The following TMEM272 variants were observed in gnomAD, a reference collection of about 807,000 sequenced individuals.
TMEM272 encodes long intergenic non-protein coding RNA 282.
A neutral mutation model predicts 3.7 loss-of-function variants in TMEM272; 8 were observed. The ratio of observed to expected loss-of-function variants is 2.17; its 90% CI spans 1.27 to 3.91. The LOEUF (loss-of-function observed/expected upper bound fraction) is 3.91. TMEM272 is among the 30% of genes most tolerant of loss of function. The probability of loss-of-function intolerance (pLI) is 0.00; values close to 1 mark genes in which losing one functional copy is unlikely to be tolerated. For missense variants in TMEM272, 166 were observed against 91.5 expected (o/e 1.81, Z -3.32); for synonymous variants, 63 against 39.8 (o/e 1.58, Z -2.20).
the TMEM272 span, among the ~76,000 whole-genome samples, chr13:51,861,320 G>C: frequency 1.3e-5 from 2 of 152,104 alleles, no homozygotes; most frequent in East Asian, 3.9e-4. Flanking sequence ...CTGTATTAAA[G>C]ATTTTTGCTA....
intron 2 of TMEM272, among the ~76,000 whole-genome samples, chr13:51,837,678 A>C (rs1467107012): frequency 1.3e-5 from 2 of 152,200 alleles, no homozygotes; most frequent in East Asian, 1.9e-4. Context: ...AGGTGCTGGC[A>C]TGCAGCAGTG....
chr13:51,826,579 G>A lies in TMEM272; in HGVS notation c.105C>T (p.Ser35=). The A allele has an allele frequency of 1.4e-6, 1 of 702,608 alleles. No individual in the cohort carries two copies. Among genetic ancestry groups the A allele is most frequent in the Admixed American group, 2.0e-5 (1 of 50,018 alleles). 43.5% of individuals were successfully genotyped at this position (702,608 alleles called of 1,614,324 possible). ...VLCAFLALPL[S]MTFIGMKFLE... is the part of the protein sequence containing the mutation. ...AAGGCAGCTTACCTATGAAGGTCAT[G>A]GACAGCGGCAGAGCCAGGAAAGCAC... The change falls in exon 3 of 5, where the codon TCC becomes TCT. Residue 35 remains serine, a synonymous_variant. Coordinates refer to ENST00000629372, the MANE Select transcript of TMEM272 (RefSeq NM_001351003.2).
Position 51,816,225 on chromosome 13 carries a change from C to A in TMEM272, c.*526G>T. 6.4e-6 allele frequency: 1 copy of A among 155,120 alleles called. No homozygotes were observed. Among genetic ancestry groups the A allele is most frequent in the Non-Finnish European group, 1.4e-5 (1 of 69,786 alleles). 9.6% of individuals were successfully genotyped at this position (155,120 alleles called of 1,614,324 possible). A position where few individuals can be genotyped will look rare whatever the true frequency, so the allele number is the denominator to read the frequency against. On this transcript the variant is annotated 3_prime_UTR_variant, in exon 5 of 5. Transcript: ENST00000629372. The stretch of plus-strand genomic sequence containing the variant: ...TGGAAGAGACTGCTCCTTCACTTTC[C>A]CAAAAGGCAGCTAGAGTCACTAAAA...
intron 3 of TMEM272, among the ~76,000 whole-genome samples, chr13:51,822,398 T>C (rs1457529619): frequency 6.6e-6 from 1 of 152,196 alleles, no homozygotes; most frequent in Non-Finnish European, 1.5e-5. Context: ...ACCTTTTTTC[T>C]GGGTATTAAC....
At chr13:51,822,586 T>C (rs767633413) in intron 3 of TMEM272, among the ~76,000 whole-genome samples, 3 of 152,150 alleles carry the variant, frequency 2.0e-5, no homozygotes, top group Non-Finnish European at 2.9e-5. Flanking sequence ...GGTTCTCATC[T>C]ACTCTGCTTC....
chr13:51,851,774 C>T, the TMEM272 span, among the ~76,000 whole-genome samples: 79 of 152,202 alleles, frequency 5.2e-4, 2 homozygotes, highest in Non-Finnish European at 4.4e-5. Context: ...CTGCCTGCCT[C>T]AGCATCCCAA....
the TMEM272 span, among the ~76,000 whole-genome samples, chr13:51,896,587 G>T: frequency 6.6e-6 from 1 of 152,134 alleles, no homozygotes; most frequent in Non-Finnish European, 1.5e-5. Context: ...CGGATGCCCT[G>T]AGAGGGGGAT....
At chr13:51,920,409 G>C in the TMEM272 span, among the ~76,000 whole-genome samples, 1 of 152,160 alleles carries the variant, frequency 6.6e-6, no homozygotes, top group South Asian at 2.1e-4. Context: ...GTAGGGCATG[G>C]CCTCTTCACT....
rs148514468 is a variant in TMEM272, at chr13:51,818,020, T to C, written c.202-907A>G. Among the ~76,000 whole-genome samples, 11 of 152,286 alleles carry C rather than the reference T, an allele frequency of 7.2e-5. No individual in the cohort carries two copies. The East Asian group carries it at 1.3e-3, about 19-fold the overall frequency. On this transcript the variant is annotated intron_variant, in intron 4 of 4. Coordinates refer to ENST00000629372, the MANE Select transcript of TMEM272 (RefSeq NM_001351003.2). ...GGAATGCCTTAACAGCTCCCCGTCT[T>C]CTCTACCTAGCAACTTGATCTGTGA... is the stretch of plus-strand genomic sequence containing the variant.
At chr13:51,886,812 C>A in the TMEM272 span, among the ~76,000 whole-genome samples, 34 of 152,262 alleles carry the variant, frequency 2.2e-4, no homozygotes, top group Admixed American at 5.9e-4. Context: ...GGTCCCTGTG[C>A]TAAACAATGC....
the TMEM272 span, among the ~76,000 whole-genome samples, chr13:51,904,373 C>A: frequency 5.3e-5 from 8 of 152,044 alleles, no homozygotes; most frequent in Non-Finnish European, 8.8e-5. Flanking sequence ...ATATGCAATT[C>A]TTATGATGAC....
the TMEM272 span, among the ~76,000 whole-genome samples, chr13:51,873,132 G>T: frequency 6.6e-6 from 1 of 152,246 alleles, no homozygotes; most frequent in Non-Finnish European, 1.5e-5. Flanking sequence ...AACTCCTAAA[G>T]TAACTGAAGG....
chr13:51,862,542 C>T, the TMEM272 span, among the ~76,000 whole-genome samples: 1 of 152,130 alleles, frequency 6.6e-6, no homozygotes, highest in Non-Finnish European at 1.5e-5. Flanking sequence ...CCCATTCATC[C>T]AGCTACTATT....
chr13:51,898,622 A>G, the TMEM272 span, among the ~76,000 whole-genome samples: 1 of 149,792 alleles, frequency 6.7e-6, no homozygotes, highest in East Asian at 1.9e-4. Context: ...CATACTAGAT[A>G]ATAAATGTTA....
intron 4 of TMEM272, among the ~76,000 whole-genome samples, chr13:51,817,659 CTCT>C (rs753408755): frequency 1.4e-5 from 2 of 146,970 alleles, no homozygotes; most frequent in Non-Finnish European, 3.0e-5. Flanking sequence ...CCTGCTTTCT[CTCT>C]TCTTGGAAGT....
chr13:51,876,779 T>C, the TMEM272 span, among the ~76,000 whole-genome samples: 1 of 152,226 alleles, frequency 6.6e-6, no homozygotes, highest in East Asian at 1.9e-4. Context: ...AACATGTATT[T>C]TGCTGTTTAT....
the TMEM272 span, chr13:51,934,201 T>G: frequency 5.5e-6 from 1 of 181,014 alleles, no homozygotes; most frequent in Non-Finnish European, 1.2e-5. Flanking sequence ...TTGCGAGGGG[T>G]CCCCACTGAC....
chr13:51,817,788 T>C (rs1956046804), intron 4 of TMEM272, among the ~76,000 whole-genome samples: 1 of 151,976 alleles, frequency 6.6e-6, no homozygotes, highest in Non-Finnish European at 1.5e-5. Flanking sequence ...GTCCTGGGAG[T>C]GATACTCTTG....
At chr13:51,860,638 C>CAA in the TMEM272 span, among the ~76,000 whole-genome samples, 8,083 of 105,224 alleles carry the variant, frequency 0.077, 551 homozygotes, top group Middle Eastern at 0.12. Flanking sequence ...AAACATGTCT[C>CAA]AAAAAAAAAA....
Sources: allele counts gnomAD v4.1 joint callset (sites outside exome capture counted in the v4.1 genomes callset), GRCh38; gene constraint gnomAD v4.1.1; transcripts MANE v1.5; gene names NCBI Gene and HGNC (gene_info 2026-07-23, HGNC 2026-07-21).